Variants in KIT observed in about 807,000 individuals in gnomAD.
KIT encodes KIT proto-oncogene, receptor tyrosine kinase, also known as mast/stem cell growth factor receptor Kit.
In KIT, 16 loss-of-function variants were observed where a neutral mutation model predicts 105.7. The ratio of observed to expected loss-of-function variants is 0.15; its 90% CI spans 0.10 to 0.23. KIT has a LOEUF of 0.23. Ranked by LOEUF, KIT falls within the 10% of genes least tolerant of loss-of-function variation. The pLI is 1.00. For missense variants in KIT, 858 were observed against 1,213.8 expected, an observed-to-expected ratio of 0.71 and a Z score of 4.36; for synonymous variants, 438 against 441.1, an observed-to-expected ratio of 0.99 and a Z score of 0.09.
chr4:54,732,811 T>G (rs949058627), intron 16 of KIT, among the ~76,000 whole-genome samples: 5 of 152,180 alleles, frequency 3.3e-5, no homozygotes, highest in Admixed American at 3.3e-4. Context: ...TATTTCCCTA[T>G]GAATGAAAGC....
At chr4:54,710,716 AT>A in intron 7 of KIT, among the ~76,000 whole-genome samples, 1 of 151,882 alleles carries the variant, frequency 6.6e-6, no homozygotes, top group African/African-American at 2.4e-5. Flanking sequence ...TGATTTCTGT[AT>A]TTTTAGTAGA....
intron 8 of KIT, 45 bp downstream of exon 8, chr4:54,723,743 G>A (rs1212977415): frequency 9.6e-7 from 1 of 1,041,768 alleles, no homozygotes; most frequent in Non-Finnish European, 1.5e-6. Context: ...AGAGGGGAAG[G>A]ACTGCAATTC....
At position 54,727,410 on chromosome 4, in the gene KIT, C is replaced by T. The variant is rs1577994736; in HGVS notation, c.1648-6C>T. ...AGGTGATCTATTTTTCCCTTTCTCCCCACAGAAACCCATGTATGAAGTACA... is the reference window on the plus strand; with the variant it reads ...AGGTGATCTATTTTTCCCTTTCTCCTCACAGAAACCCATGTATGAAGTACA... On this transcript the variant is annotated splice_polypyrimidine_tract_variant and splice_region_variant and intron_variant, in intron 10 of 20. Transcript: ENST00000288135. The T allele has an allele frequency of 1.9e-6, 3 of 1,614,144 alleles. No individual in the cohort carries two copies. The highest frequency in any genetic ancestry group is 2.5e-6 in the Non-Finnish European group (3 of 1,180,020).
intron 5 of KIT, among the ~76,000 whole-genome samples, chr4:54,705,783 G>A (rs916119147): frequency 1.3e-5 from 2 of 152,158 alleles, no homozygotes; most frequent in African/African-American, 2.4e-5. Flanking sequence ...TTGGGAGGCT[G>A]AGGCAGGAGG....
chr4:54,673,265 C>G (rs1261772315), intron 1 of KIT, among the ~76,000 whole-genome samples: 2 of 152,128 alleles, frequency 1.3e-5, no homozygotes, highest in East Asian at 3.9e-4. Context: ...TTTAGGAACT[C>G]CCATTATTCA....
At chr4:54,699,344 C>G (rs894065093) in intron 3 of KIT, among the ~76,000 whole-genome samples, 5 of 152,054 alleles carry the variant, frequency 3.3e-5, no homozygotes, top group Admixed American at 3.3e-4. Flanking sequence ...ATTAAAGCAG[C>G]TTCTCTATGC....
intron 1 of KIT, among the ~76,000 whole-genome samples, chr4:54,673,927 G>A (rs902787085): frequency 6.6e-6 from 1 of 151,934 alleles, no homozygotes; most frequent in Admixed American, 6.6e-5. Context: ...GTGCCACCAC[G>A]CCCAGCTAAT....
At chr4:54,689,172 G>A (rs1023534549) in intron 1 of KIT, among the ~76,000 whole-genome samples, 7 of 152,192 alleles carry the variant, frequency 4.6e-5, no homozygotes, top group African/African-American at 1.7e-4. Flanking sequence ...CTTTAGTTGA[G>A]CGACCCATAT....
intron 1 of KIT, among the ~76,000 whole-genome samples, chr4:54,679,387 C>A (rs1560382120): frequency 6.6e-6 from 1 of 152,092 alleles, no homozygotes; most frequent in East Asian, 1.9e-4. Flanking sequence ...GGGCAGTAAC[C>A]TTTTTTCTAG....
At chr4:54,714,543 A>G (rs1721345738) in intron 7 of KIT, among the ~76,000 whole-genome samples, 1 of 152,204 alleles carries the variant, frequency 6.6e-6, no homozygotes, top group African/African-American at 2.4e-5. Context: ...TTTGGCTTCA[A>G]TTTTAAATAC....
rs1577992021 is a variant in KIT, at chr4:54,725,850, C to T, written c.1347-7C>T. On this transcript the variant is annotated splice_region_variant and splice_polypyrimidine_tract_variant and intron_variant, in intron 8 of 20. Transcript: ENST00000288135. The stretch of plus-strand genomic sequence containing the variant: ...GTAAGCCAGGGCTTTTGTTTTCTTC[C>T]CTTTAGATGCTCTGCTTCTGTACTG... 1 of 1,613,384 alleles carries T rather than the reference C, an allele frequency of 6.2e-7. No individual in the cohort carries two copies. Among genetic ancestry groups the T allele is most frequent in the Non-Finnish European group, 8.5e-7 (1 of 1,179,670 alleles).
At chr4:54,694,235 G>A (rs533558982) in intron 1 of KIT, among the ~76,000 whole-genome samples, 1 of 152,066 alleles carries the variant, frequency 6.6e-6, no homozygotes, top group South Asian at 2.1e-4. Context: ...AGTTCATGCT[G>A]TCATCTTCTC....
chr4:54,722,490 A>G (rs1470480359), intron 7 of KIT, among the ~76,000 whole-genome samples: 1 of 152,162 alleles, frequency 6.6e-6, no homozygotes, highest in Non-Finnish European at 1.5e-5. Context: ...GCTGGTATTC[A>G]GATGTGTCCA....
intron 1 of KIT, among the ~76,000 whole-genome samples, chr4:54,677,903 G>C (rs577908596): frequency 2.6e-5 from 4 of 152,228 alleles, no homozygotes; most frequent in Non-Finnish European, 5.9e-5. Flanking sequence ...AAAGATTGGG[G>C]TTTCAAGACC....
At chr4:54,710,401 C>T (rs1721070668) in intron 7 of KIT, among the ~76,000 whole-genome samples, 1 of 152,110 alleles carries the variant, frequency 6.6e-6, no homozygotes. Flanking sequence ...GATGAGGAGA[C>T]AACTGGAATA....
chr4:54,664,160 G>C (rs1048410046), intron 1 of KIT, among the ~76,000 whole-genome samples: 1 of 152,138 alleles, frequency 6.6e-6, no homozygotes, highest in Admixed American at 6.5e-5. Flanking sequence ...CTTAAAGGAA[G>C]AGGGCAGTGT....
intron 1 of KIT, among the ~76,000 whole-genome samples, chr4:54,658,352 C>T (rs1716969311): frequency 6.6e-6 from 1 of 152,056 alleles, no homozygotes; most frequent in African/African-American, 2.4e-5. Flanking sequence ...TAGGCGTGAG[C>T]GAGGCTGCAG....
At position 54,734,088 on chromosome 4, in the gene KIT, A is replaced by C. The variant is rs534920415; in HGVS notation, c.2484+896A>C. Among the ~76,000 whole-genome samples, 177 of 152,278 alleles carry C rather than the reference A, an allele frequency of 1.2e-3. 2 individuals are homozygous for C. In the South Asian group the frequency reaches 0.034, roughly 30 times the overall value. On this transcript the variant is annotated intron_variant, in intron 17 of 20. Coordinates refer to ENST00000288135, the MANE Select transcript of KIT (RefSeq NM_000222.3). Reference sequence around the variant, plus strand: ...GTGTTTATCTCCTGGCCAAAGCATGAATTTCTGAAAAGGCTGCCCTGAAGC... The same window carrying C: ...GTGTTTATCTCCTGGCCAAAGCATGCATTTCTGAAAAGGCTGCCCTGAAGC...
rs550179190 is a variant in KIT, at chr4:54,721,710, T to C, written c.1232-1874T>C. On this transcript the variant is annotated intron_variant, in intron 7 of 20. Coordinates refer to ENST00000288135, the MANE Select transcript of KIT (RefSeq NM_000222.3). ...GGTTATTCTACAAAGATGTCATTTATCAGTGTTACCTTCCTTTGGGGAAAT... is the reference window on the plus strand; with the variant it reads ...GGTTATTCTACAAAGATGTCATTTACCAGTGTTACCTTCCTTTGGGGAAAT... Among the ~76,000 whole-genome samples, 129 of 152,340 alleles carry C rather than the reference T, an allele frequency of 8.5e-4. 1 individual carries two copies. The highest frequency in any genetic ancestry group is 2.8e-3 in the African/African-American group (117 of 41,578).
Sources: gnomAD v4.1 joint callset for allele counts (sites outside exome capture counted in the v4.1 genomes callset) on GRCh38, gnomAD v4.1.1 for gene constraint, MANE v1.5 for transcripts, NCBI Gene and HGNC (gene_info 2026-07-23, HGNC 2026-07-21) for gene names.